PCBP3: variants seen among roughly 807,000 people sequenced by gnomAD.
PCBP3 encodes the protein poly(rC) binding protein 3.
Under a neutral mutation model 52.7 loss-of-function variants are expected in PCBP3, and 25 were observed. That is an observed-to-expected ratio of 0.47 (90% CI 0.35 to 0.66). PCBP3 has a LOEUF of 0.66. Ranked by LOEUF, PCBP3 falls within the 30% of genes least tolerant of loss-of-function variation. The pLI is 0.01. For missense variants in PCBP3, 391 were observed against 490.3 expected, an observed-to-expected ratio of 0.80 and a Z score of 1.91; for synonymous variants, 162 against 183.0, an observed-to-expected ratio of 0.89 and a Z score of 0.93.
In PCBP3 at chr21:45,829,833, T is replaced by A. The variant is rs971629090; in HGVS notation, c.-125-20128T>A. 6.6e-6 allele frequency: 1 copy of A among 152,544 alleles called. No individual in the cohort carries two copies. The highest frequency in any genetic ancestry group is 2.4e-5 in the African/African-American group (1 of 41,450). 9.4% of individuals were successfully genotyped at this position (152,544 alleles called of 1,614,324 possible). ...CGGGGAGGCCTGGTTCCCCTGACATTCTGCTGCCAGGAAGATGCAGCTCTA... is the reference window on the plus strand; with the variant it reads ...CGGGGAGGCCTGGTTCCCCTGACATACTGCTGCCAGGAAGATGCAGCTCTA... On this transcript the variant is annotated intron_variant, in intron 4 of 17. Coordinates refer to ENST00000681687, the MANE Select transcript of PCBP3 (RefSeq NM_001384156.1). This position sits in a 1 kb window ranked among gnomAD's most constrained non-coding sequence, Gnocchi z 5.2.
chr21:45,650,905 T>TA (rs1395576998), intron 1 of PCBP3, among the ~76,000 whole-genome samples: 1 of 152,162 alleles, frequency 6.6e-6, no homozygotes, highest in Non-Finnish European at 1.5e-5. Flanking sequence ...TGGCCATACC[T>TA]AATTTCAGAT....
intron 2 of PCBP3, among the ~76,000 whole-genome samples, chr21:45,674,358 C>T (rs372050131): frequency 5.3e-5 from 8 of 152,176 alleles, no homozygotes; most frequent in East Asian, 3.9e-4. Context: ...TACTTTCGTT[C>T]CGAGATATAA....
At chr21:45,921,640 AC>A (rs2074449253) in intron 13 of PCBP3, among the ~76,000 whole-genome samples, 1 of 151,854 alleles carries the variant, frequency 6.6e-6, no homozygotes, top group African/African-American at 2.4e-5. Flanking sequence ...ACATGGCGAG[AC>A]CCCGTCTCTA....
intron 7 of PCBP3, among the ~76,000 whole-genome samples, chr21:45,899,932 A>G (rs940377201): frequency 6.6e-6 from 1 of 151,604 alleles, no homozygotes. Flanking sequence ...ATGATTTCTC[A>G]CGCCTTCTTC....
At chr21:45,913,572 T>TC (rs533904290) in intron 11 of PCBP3, among the ~76,000 whole-genome samples, 66 of 152,034 alleles carry the variant, frequency 4.3e-4, no homozygotes, top group Non-Finnish European at 9.1e-4. Flanking sequence ...CCAGCCCTTG[T>TC]CCAGCAGGGT....
At chr21:45,658,788 C>T (rs1859207144) in intron 1 of PCBP3, among the ~76,000 whole-genome samples, 1 of 151,900 alleles carries the variant, frequency 6.6e-6, no homozygotes, top group African/African-American at 2.4e-5. Context: ...AATAGTGAAG[C>T]CATCTGTTTC....
intron 5 of PCBP3, among the ~76,000 whole-genome samples, chr21:45,864,213 G>C (rs1002478932): frequency 6.6e-6 from 1 of 152,188 alleles, no homozygotes; most frequent in African/African-American, 2.4e-5. Flanking sequence ...CTGCTTCTGT[G>C]GGTGAACGCT....
rs192976382 is a variant in PCBP3 at position 45,864,208 on chromosome 21, T to G, written c.10+14113T>G. 2.0e-3 allele frequency among the ~76,000 whole-genome samples: 310 copies of G among 152,266 alleles called. 2 individuals carry two copies. Among genetic ancestry groups the G allele is most frequent in the African/African-American group, 6.8e-3 (284 of 41,552 alleles). On this transcript the variant is annotated intron_variant, in intron 5 of 17. Transcript: ENST00000681687. ...CTGATGAGTGCCTTCCATCACTGCT[T>G]CTGTGGGTGAACGCTGGCCTCTGAA...
At chr21:45,652,649 G>T (rs1202420402) in intron 1 of PCBP3, among the ~76,000 whole-genome samples, 2 of 152,076 alleles carry the variant, frequency 1.3e-5, no homozygotes, top group African/African-American at 4.8e-5. Context: ...CACCATGTTG[G>T]CCAGGCTGGT....
At chr21:45,662,980 G>T (rs1200089888) in intron 1 of PCBP3, among the ~76,000 whole-genome samples, 1 of 152,120 alleles carries the variant, frequency 6.6e-6, no homozygotes, top group African/African-American at 2.4e-5. Flanking sequence ...CATCAGTCAG[G>T]CCTGCCCACA....
At chr21:45,834,129 G>A (rs1284481756) in intron 4 of PCBP3, among the ~76,000 whole-genome samples, 1 of 152,056 alleles carries the variant, frequency 6.6e-6, no homozygotes, top group Non-Finnish European at 1.5e-5. Flanking sequence ...ACCGATTCAC[G>A]AGTCCACGGG....
intron 5 of PCBP3, among the ~76,000 whole-genome samples, chr21:45,857,127 G>A (rs1251428627): frequency 6.6e-6 from 1 of 152,142 alleles, no homozygotes; most frequent in Non-Finnish European, 1.5e-5. Flanking sequence ...GGAGGGCCTG[G>A]GAGAAAAAGA....
chr21:45,914,026 G>T lies in PCBP3; in HGVS notation c.675+1G>T. On this transcript the variant is annotated splice_donor_variant, in intron 12 of 17. Transcript: ENST00000681687. LOFTEE classifies it high-confidence loss of function. The stretch of plus-strand genomic sequence containing the variant: ...CCCTGTCATTTTTGCAGGTGGTCAG[G>T]TAAGAGCCGATCCGCTCGCGGCCTC... 1 of 1,613,656 alleles carries T rather than the reference G, an allele frequency of 6.2e-7. No homozygotes were observed. The highest frequency in any genetic ancestry group is 8.5e-7 in the Non-Finnish European group (1 of 1,179,958).
rs79986944 is a variant in PCBP3, at chr21:45,861,121, G to A, written c.10+11026G>A. ...ACCCTCAGCTCCTCCCTTCACAAGC[G>A]CTGTGGCTTGGTGTGCAGCCGCCTC... On this transcript the variant is annotated intron_variant, in intron 5 of 17. Coordinates refer to ENST00000681687, the MANE Select transcript of PCBP3 (RefSeq NM_001384156.1). 3.7e-3 allele frequency among the ~76,000 whole-genome samples: 559 copies of A among 152,262 alleles called. 1 individual carries two copies. Among genetic ancestry groups the A allele is most frequent in the African/African-American group, 0.012 (483 of 41,562 alleles).
chr21:45,669,805 GTATATATATATATATA>G (rs773020402), intron 2 of PCBP3, among the ~76,000 whole-genome samples: 13 of 49,724 alleles, frequency 2.6e-4, no homozygotes, highest in South Asian at 7.3e-4. Context: ...GTGTGTGTGT[GTATATATATATATATA>G]TATATATATA....
intron 4 of PCBP3, chr21:45,761,928 G>C (rs1004966658): frequency 2.6e-5 from 4 of 152,234 alleles, no homozygotes; most frequent in African/African-American, 9.7e-5. Flanking sequence ...CTTGTAACTG[G>C]TCTCTCTCTG....
intron 4 of PCBP3, among the ~76,000 whole-genome samples, chr21:45,765,962 G>A (rs1352393964): frequency 2.6e-5 from 4 of 152,206 alleles, no homozygotes; most frequent in Non-Finnish European, 4.4e-5. Flanking sequence ...AAGGATGAGT[G>A]CAGTAACGTT....
At chr21:45,824,103 A>G (rs1392133660) in intron 4 of PCBP3, among the ~76,000 whole-genome samples, 2 of 152,174 alleles carry the variant, frequency 1.3e-5, no homozygotes, top group East Asian at 3.9e-4. Context: ...GATTTCCAGC[A>G]TCCTAAAGTG....
At chr21:45,768,606 T>G (rs956267932) in intron 4 of PCBP3, among the ~76,000 whole-genome samples, 3 of 152,210 alleles carry the variant, frequency 2.0e-5, no homozygotes, top group Non-Finnish European at 2.9e-5. Flanking sequence ...CCTTTCTGAG[T>G]TGTGGAGATT....
Sources: gnomAD v4.1 joint callset for allele counts (sites outside exome capture counted in the v4.1 genomes callset) on GRCh38, gnomAD v4.1.1 for gene constraint, Gnocchi (gnomAD v3.1) non-coding constraint, MANE v1.5 for transcripts, NCBI Gene and HGNC (gene_info 2026-07-23, HGNC 2026-07-21) for gene names.